The following TRANK1 variants were observed in gnomAD, a reference collection of about 807,000 sequenced individuals.
TRANK1 encodes TPR and ankyrin repeat-containing protein 1.
In TRANK1, 198 loss-of-function variants were observed where a neutral mutation model predicts 266.0. That is an observed-to-expected ratio of 0.74 (90% CI 0.66 to 0.84). The LOEUF is 0.84. Ranked by LOEUF, TRANK1 falls within the 40% of genes least tolerant of loss-of-function variation. TRANK1 has a pLI of 0.00. For missense variants in TRANK1, 3,326 were observed against 3,634.6 expected (o/e 0.92, Z 2.18); for synonymous variants, 1,396 against 1,384.1 (o/e 1.01, Z -0.19).
At chr3:36,850,768 T>C (rs1398657915) in intron 15 of TRANK1, 1 of 985,182 alleles carries the variant, frequency 1.0e-6, no homozygotes, top group Non-Finnish European at 1.2e-6. Flanking sequence ...AAATAACATT[T>C]AAAAAATGAT....
intron 1 of TRANK1, among the ~76,000 whole-genome samples, chr3:36,918,781 C>T (rs2080174930): frequency 6.6e-6 from 1 of 152,120 alleles, no homozygotes; most frequent in South Asian, 2.1e-4. Flanking sequence ...TATGTTACAT[C>T]ATGATACCCA....
intron 3 of TRANK1, among the ~76,000 whole-genome samples, chr3:36,901,100 T>TG (rs1491209050): frequency 5.2e-5 from 5 of 96,992 alleles, no homozygotes; most frequent in African/African-American, 1.7e-4. Flanking sequence ...GATTCAAGGT[T>TG]GTTTTTTTTT....
At chr3:36,845,000 CAGG>C (rs1050672484) in intron 17 of TRANK1, among the ~76,000 whole-genome samples, 8 of 151,820 alleles carry the variant, frequency 5.3e-5, no homozygotes, top group African/African-American at 1.9e-4. Context: ...GTTATCGTAT[CAGG>C]AGAACTTCAC....
At chr3:36,829,152 C>T (rs577656480) in intron 23 of TRANK1, among the ~76,000 whole-genome samples, 6 of 152,284 alleles carry the variant, frequency 3.9e-5, no homozygotes, top group Admixed American at 6.5e-5. Flanking sequence ...TATCCCCAGG[C>T]GCAGAACAAC....
At chr3:36,849,026 T>C (rs980676947) in intron 15 of TRANK1, among the ~76,000 whole-genome samples, 1 of 152,170 alleles carries the variant, frequency 6.6e-6, no homozygotes, top group Non-Finnish European at 1.5e-5. Flanking sequence ...TATGTACTTG[T>C]AGCAAGGATA....
At chr3:36,905,290 C>CAA (rs35960884) in intron 2 of TRANK1, among the ~76,000 whole-genome samples, 17 of 94,928 alleles carry the variant, frequency 1.8e-4, no homozygotes, top group East Asian at 3.2e-4. Flanking sequence ...GACTCTGTCT[C>CAA]AAAAAAAAAA....
rs1359754829 is a variant in TRANK1 at position 36,880,071 on chromosome 3, TGCAAATATATATAA to T, written c.908-5789_908-5776del. The T allele has an allele frequency of 1.2e-4, 8 of 67,534 alleles. 1 individual carries two copies. The highest frequency in any genetic ancestry group is 1.8e-3 in the East Asian group (2 of 1,126). The allele number at this position is 67,534 out of a possible 1,614,324, so 4.2% of individuals were successfully genotyped here. A position where few individuals can be genotyped will look rare whatever the true frequency, so the allele number is the denominator to read the frequency against. On this transcript the variant is annotated intron_variant, in intron 8 of 23. Transcript: ENST00000645898. ...GTAAACATACAAATATATGTAAACA[TGCAAATATATATAA>T]ACATATATAAATATATATAAACATA... is the stretch of plus-strand genomic sequence containing the variant.
chr3:36,917,478 G>A (rs1403650485), intron 1 of TRANK1, among the ~76,000 whole-genome samples: 2 of 152,228 alleles, frequency 1.3e-5, no homozygotes, highest in African/African-American at 2.4e-5. Context: ...AGAACCATTC[G>A]CCCCTCTAAA....
chr3:36,913,029 T>TG (rs1199568449), intron 1 of TRANK1, among the ~76,000 whole-genome samples: 21 of 133,094 alleles, frequency 1.6e-4, no homozygotes, highest in South Asian at 7.3e-4. Flanking sequence ...GTATGTCTCT[T>TG]TTGTGTGTGT....
At chr3:36,940,511 AAAG>A (rs954768627) in intron 1 of TRANK1, among the ~76,000 whole-genome samples, 14 of 151,256 alleles carry the variant, frequency 9.3e-5, no homozygotes, top group African/African-American at 3.4e-4. Context: ...AAAAAAAAAA[AAAG>A]AAGCTGCTCC....
Position 36,856,211 on chromosome 3 carries a change from C to A in TRANK1, c.3511G>T (p.Gly1171Trp). 2 of 1,613,890 alleles carry A rather than the reference C, an allele frequency of 1.2e-6. No individual in the cohort carries two copies. Among genetic ancestry groups the A allele is most frequent in the Non-Finnish European group, 1.7e-6 (2 of 1,179,864 alleles). Residue 1171 changes from glycine to tryptophan, a missense_variant, in exon 13 of 24, where the codon GGG becomes TGG. Transcript: ENST00000645898. ...CAGGAGVEPA[G>W]DGQAAEVCAP... ...CATACTTCTGCAGCTTGGCCGTCCC[C>A]TGCTGGCTCCACACCGGCTCCTCCT...
chr3:36,919,960 C>A (rs1258431622), intron 1 of TRANK1, among the ~76,000 whole-genome samples: 4 of 152,124 alleles, frequency 2.6e-5, no homozygotes, highest in African/African-American at 9.7e-5. Context: ...CACTAGATGA[C>A]AATATGCCAG....
intron 1 of TRANK1, among the ~76,000 whole-genome samples, chr3:36,940,912 T>TGGCCAATGAGCTCA (rs2080487937): frequency 6.6e-6 from 1 of 152,200 alleles, no homozygotes; most frequent in Non-Finnish European, 1.5e-5. Flanking sequence ...CCTTAGTACC[T>TGGCCAATGAGCTCA]GGCCAATGAG....
At chr3:36,944,617 T>G (rs922632427) in intron 1 of TRANK1, among the ~76,000 whole-genome samples, 170 bp downstream of exon 1, 3 of 152,094 alleles carry the variant, frequency 2.0e-5, no homozygotes, top group African/African-American at 7.2e-5. Flanking sequence ...CCCGCGCAAC[T>G]GGCTCGGGTC....
intron 1 of TRANK1, among the ~76,000 whole-genome samples, chr3:36,937,290 T>C (rs2080438912): frequency 6.6e-6 from 1 of 152,172 alleles, no homozygotes; most frequent in Non-Finnish European, 1.5e-5. Flanking sequence ...TTTGGATGAA[T>C]AGTTTAAGGC....
chr3:36,874,309 A>C lies in TRANK1; in HGVS notation c.908-13T>G. The C allele has an allele frequency of 6.5e-7, 1 of 1,534,740 alleles. No homozygotes were observed. Among genetic ancestry groups the C allele is most frequent in the Non-Finnish European group, 8.7e-7 (1 of 1,145,894 alleles). On this transcript the variant is annotated splice_polypyrimidine_tract_variant and intron_variant, in intron 8 of 23. Transcript: ENST00000645898. ...TCCTCTGTTTGTCCTAGGGCAGGCC[A>C]AAATGAGAAGGGGTGTTTGTCATGG...
chr3:36,941,901 A>T (rs911835141), intron 1 of TRANK1, among the ~76,000 whole-genome samples: 5 of 152,222 alleles, frequency 3.3e-5, no homozygotes, highest in Non-Finnish European at 7.3e-5. Flanking sequence ...CAAAGCACTG[A>T]CATGTCAGCC....
At position 36,856,570 on chromosome 3, in the gene TRANK1, G is replaced by T. The variant is rs2079057920; in HGVS notation, c.3152C>A (p.Pro1051His). The change falls in exon 13 of 24, where the codon CCC becomes CAC. Residue 1051 changes from proline to histidine, a missense_variant. Transcript: ENST00000645898. ...LNDTTATVEYPFRVGELEYAV... is the reference protein window; with the variant it reads ...LNDTTATVEYHFRVGELEYAV... ...GTACTCAAGCTCACCCACCCGGAAG[G>T]GGTACTCCACTGTGGCTGTCGTGTC... 1 of 1,613,998 alleles carries T rather than the reference G, an allele frequency of 6.2e-7. No homozygotes were observed. The highest frequency in any genetic ancestry group is 1.3e-5 in the African/African-American group (1 of 75,046).
rs1491194471 is a variant in TRANK1, at chr3:36,879,780, A to AC, written c.908-5485_908-5484insG. 2.6e-4 allele frequency among the ~76,000 whole-genome samples: 23 copies of AC among 87,980 alleles called. No homozygotes were observed. In the South Asian group the frequency reaches 4.0e-3, roughly 15 times the overall value. The allele number at this position is 87,980 out of a possible 152,430, so 57.7% of individuals were successfully genotyped here. On this transcript the variant is annotated intron_variant, in intron 8 of 23. Transcript: ENST00000645898. ...TATATAAATATATATAAATATATAT[A>AC]AATATGTAAATATATAAATATACAA...
Sources: gnomAD v4.1 joint callset for allele counts (sites outside exome capture counted in the v4.1 genomes callset) on GRCh38, gnomAD v4.1.1 for gene constraint, MANE v1.5 for transcripts, NCBI Gene and HGNC (gene_info 2026-07-23, HGNC 2026-07-21) for gene names.